Variants in CDH13 observed in about 807,000 individuals in gnomAD.
CDH13 encodes cadherin 13.
Under a neutral mutation model 63.8 loss-of-function variants are expected in CDH13, and 24 were observed. That is an observed-to-expected ratio of 0.38 (90% CI 0.27 to 0.53). CDH13 has a LOEUF of 0.53. CDH13 is among the 20% of genes least tolerant of loss of function. The probability of loss-of-function intolerance (pLI) is 0.85; values close to 1 mark genes in which losing one functional copy is unlikely to be tolerated. For missense variants in CDH13, 1,049 were observed against 903.1 expected (o/e 1.16, Z -2.07); for synonymous variants, 503 against 355.3 (o/e 1.42, Z -4.67).
chr16:83,480,562 G>C (rs983132639), intron 6 of CDH13, among the ~76,000 whole-genome samples: 1 of 152,184 alleles, frequency 6.6e-6, no homozygotes, highest in Non-Finnish European at 1.5e-5. Context: ...GTGAATGGCT[G>C]TAGGCTGTGT....
intron 5 of CDH13, among the ~76,000 whole-genome samples, chr16:83,219,484 T>C (rs1046385856): frequency 3.3e-5 from 5 of 152,190 alleles, no homozygotes; most frequent in African/African-American, 1.2e-4. Context: ...AATGATGTCA[T>C]AGGATTTCAT....
At position 82,873,017 on chromosome 16, in the gene CDH13, A is replaced by G. The variant is rs2040395477; in HGVS notation, c.157+14544A>G. On this transcript the variant is annotated intron_variant, in intron 2 of 13. Transcript: ENST00000567109. ...GCACATGACAAGACGATGGTTAAGT[A>G]TCATGAAGGAAATAAGGCAAGGTCA... Among the ~76,000 whole-genome samples the G allele has an allele frequency of 2.0e-5, 3 of 152,206 alleles. No individual in the cohort carries two copies. The South Asian group carries it at 6.2e-4, about 31-fold the overall frequency.
At chr16:83,560,305 C>T (rs988159836) in intron 7 of CDH13, among the ~76,000 whole-genome samples, 1 of 152,148 alleles carries the variant, frequency 6.6e-6, no homozygotes, top group African/African-American at 2.4e-5. Flanking sequence ...ATAAAAGTTG[C>T]ATTTGATAGA....
chr16:83,600,973 CT>C (rs1567796755), intron 7 of CDH13, among the ~76,000 whole-genome samples: 1 of 152,106 alleles, frequency 6.6e-6, no homozygotes, highest in African/African-American at 2.4e-5. Context: ...GAGATGACTC[CT>C]CTAGCTCCCC....
In CDH13 at chr16:83,087,671, C is replaced by CAAAAAAAAAAAAAAAAAAA. The variant is rs67228844; in HGVS notation, c.367-37706_367-37688dup. Among the ~76,000 whole-genome samples the CAAAAAAAAAAAAAAAAAAA allele has an allele frequency of 1.1e-4, 5 of 43,998 alleles. 1 individual carries two copies. The highest frequency in any genetic ancestry group is 4.4e-4 in the African/African-American group (5 of 11,452). 28.9% of individuals were successfully genotyped at this position (43,998 alleles called of 152,430 possible). On this transcript the variant is annotated intron_variant, in intron 3 of 13. Transcript: ENST00000567109. ...CGACGAAGCAAGACTCCCTCCGTCTCAAAAAAAAAAAAAAAAAAAAAAAAA... is the reference window on the plus strand; with the variant it reads ...CGACGAAGCAAGACTCCCTCCGTCTCAAAAAAAAAAAAAAAAAAAAAAAAAAAAAAAAAAAAAAAAAAAA...
intron 4 of CDH13, among the ~76,000 whole-genome samples, chr16:83,136,721 G>A (rs971395717): frequency 6.6e-6 from 1 of 152,150 alleles, no homozygotes; most frequent in Non-Finnish European, 1.5e-5. Context: ...CCTGAATGCA[G>A]ACAGCTTCAG....
At chr16:83,745,292 G>C (rs533386099) in intron 10 of CDH13, among the ~76,000 whole-genome samples, 21 of 152,326 alleles carry the variant, frequency 1.4e-4, no homozygotes, top group African/African-American at 5.0e-4. Context: ...TGGGGGTCTG[G>C]TACATCCACT....
intron 3 of CDH13, among the ~76,000 whole-genome samples, chr16:83,096,827 GA>G (rs1440984796): frequency 6.6e-6 from 1 of 152,162 alleles, no homozygotes; most frequent in Non-Finnish European, 1.5e-5. Flanking sequence ...TAAAAATGAT[GA>G]TTTTTTTATA....
At chr16:83,327,630 G>T (rs2090393760) in intron 5 of CDH13, among the ~76,000 whole-genome samples, 1 of 152,138 alleles carries the variant, frequency 6.6e-6, no homozygotes, top group Non-Finnish European at 1.5e-5. Context: ...TGTTCAGTAG[G>T]CCTGTAGCAA....
intron 10 of CDH13, among the ~76,000 whole-genome samples, chr16:83,694,640 G>C (rs921530780): frequency 5.3e-5 from 8 of 152,172 alleles, no homozygotes; most frequent in African/African-American, 1.9e-4. Flanking sequence ...CACAAAGCAG[G>C]AACAGGTGAC....
chr16:82,680,639 G>T (rs922915072), intron 1 of CDH13, among the ~76,000 whole-genome samples: 1 of 152,186 alleles, frequency 6.6e-6, no homozygotes, highest in Non-Finnish European at 1.5e-5. Context: ...CTGCATGCAT[G>T]TTAGAAAGGC....
chr16:83,655,869 G>A (rs2150827978), intron 8 of CDH13, among the ~76,000 whole-genome samples: 1 of 152,272 alleles, frequency 6.6e-6, no homozygotes, highest in East Asian at 1.9e-4. Flanking sequence ...AGTGGCAGGG[G>A]GGAAAACAGA....
intron 3 of CDH13, among the ~76,000 whole-genome samples, chr16:83,053,893 A>G (rs1160183007): frequency 6.6e-6 from 1 of 152,206 alleles, no homozygotes; most frequent in Non-Finnish European, 1.5e-5. Context: ...AAGTCTGTGT[A>G]TGTATATAGT....
intron 2 of CDH13, among the ~76,000 whole-genome samples, chr16:82,987,035 C>A (rs567175513): frequency 1.3e-5 from 2 of 152,292 alleles, no homozygotes; most frequent in African/African-American, 4.8e-5. Flanking sequence ...GGACAAAAAG[C>A]ATTCAGGAAG....
chr16:83,400,267 G>A (rs556889804), intron 6 of CDH13, among the ~76,000 whole-genome samples: 3 of 152,228 alleles, frequency 2.0e-5, no homozygotes, highest in East Asian at 3.9e-4. Flanking sequence ...TTCTCTTCTC[G>A]TTGTAAATTT....
chr16:83,459,513 A>G lies in CDH13; in HGVS notation c.782-26964A>G, dbSNP rs1211154243. ...TTGGCTTATAAACGGGTGAAACTAA[A>G]AACTTTTTTATTTGCATTTTTATCT... On this transcript the variant is annotated intron_variant, in intron 6 of 13. Transcript: ENST00000567109. Among the ~76,000 whole-genome samples the G allele has an allele frequency of 2.0e-5, 3 of 152,240 alleles. No homozygotes were observed. The East Asian group carries it at 5.8e-4, about 29-fold the overall frequency.
At position 83,095,312 on chromosome 16, in the gene CDH13, G is replaced by T. The variant is rs538579682; in HGVS notation, c.367-30073G>T. On this transcript the variant is annotated intron_variant, in intron 3 of 13. Coordinates refer to ENST00000567109, the MANE Select transcript of CDH13 (RefSeq NM_001257.5). ...ACTGGTATATCAACATGGTACTGGT[G>T]TAGTAATGATCCATTCCAGGTACGG... is the stretch of plus-strand genomic sequence containing the variant. Among the ~76,000 whole-genome samples, 10 of 152,284 alleles carry T rather than the reference G, an allele frequency of 6.6e-5. No homozygotes were observed. In the South Asian group the frequency reaches 1.7e-3, roughly 25 times the overall value.
chr16:83,215,326 A>G (rs1227089098), intron 4 of CDH13, among the ~76,000 whole-genome samples: 6 of 151,588 alleles, frequency 4.0e-5, no homozygotes, highest in Admixed American at 1.3e-4. Flanking sequence ...TGATCCGCCC[A>G]CCTTGGCCTC....
At chr16:83,276,808 C>G (rs1319209916) in intron 5 of CDH13, among the ~76,000 whole-genome samples, 2 of 152,156 alleles carry the variant, frequency 1.3e-5, no homozygotes, top group African/African-American at 4.8e-5. Flanking sequence ...GAGGTGGAGC[C>G]TACAGGAGCC....
Sources: allele counts gnomAD v4.1 joint callset (sites outside exome capture counted in the v4.1 genomes callset), GRCh38; gene constraint gnomAD v4.1.1; transcripts MANE v1.5; gene names NCBI Gene and HGNC (gene_info 2026-07-23, HGNC 2026-07-21).